IPCEF1: variants seen among roughly 807,000 people sequenced by gnomAD.
IPCEF1 encodes the protein interaction protein for cytohesin exchange factors 1.
Under a neutral mutation model 50.9 loss-of-function variants are expected in IPCEF1, and 31 were observed. The ratio of observed to expected loss-of-function variants is 0.61; its 90% confidence interval spans 0.46 to 0.82. IPCEF1 has a LOEUF of 0.82. IPCEF1 is among the 40% of genes least tolerant of loss of function. IPCEF1 has a pLI of 0.00. For synonymous variants in IPCEF1, 181 were observed against 192.0 expected (o/e 0.94, Z 0.47); for missense variants, 458 against 514.0 (o/e 0.89, Z 1.05).
intron 5 of IPCEF1, among the ~76,000 whole-genome samples, chr6:154,234,904 C>CG (rs1779993869): frequency 6.6e-6 from 1 of 152,202 alleles, no homozygotes; most frequent in Non-Finnish European, 1.5e-5. Context: ...TTGTCCTCTG[C>CG]CGTGTAAAAT....
intron 2 of IPCEF1, among the ~76,000 whole-genome samples, chr6:154,275,525 C>A (rs6918094): frequency 0.21 from 32,565 of 152,272 alleles, 4,093 homozygotes; most frequent in Admixed American, 0.42. Context: ...GAATAGCAAG[C>A]GATGGCCCTT....
In IPCEF1 at chr6:154,159,779, G is replaced by A. The variant is rs370836223; in HGVS notation, c.*49C>T. On this transcript the variant is annotated 3_prime_UTR_variant, in exon 12 of 12. Transcript: ENST00000367220. ...AAAATGTAAGCTTTTGCAACATCTT[G>A]AAGAGTTGCTTGTGATAAAATATAA... The A allele has an allele frequency of 7.8e-5, 110 of 1,418,534 alleles. 1 individual carries two copies. In the South Asian group the frequency reaches 1.1e-3, roughly 14 times the overall value. 87.9% of individuals were successfully genotyped at this position (1,418,534 alleles called of 1,614,324 possible).
intron 1 of IPCEF1, among the ~76,000 whole-genome samples, chr6:154,334,521 A>G (rs991383938): frequency 2.6e-5 from 4 of 152,240 alleles, no homozygotes; most frequent in African/African-American, 9.6e-5. Context: ...CTAAGGATAC[A>G]TGCCCCATGG....
intron 1 of IPCEF1, among the ~76,000 whole-genome samples, chr6:154,314,909 G>A (rs1383107689): frequency 7.0e-6 from 1 of 142,460 alleles, no homozygotes; most frequent in African/African-American, 2.6e-5. Context: ...TTTTGAGACA[G>A]TGTCTCTGTC....
At chr6:154,281,152 C>A (rs1176429646) in intron 2 of IPCEF1, among the ~76,000 whole-genome samples, 1 of 118,410 alleles carries the variant, frequency 8.4e-6, no homozygotes, top group Non-Finnish European at 1.7e-5. Flanking sequence ...CCAGCCTGGG[C>A]AAGATGGTGA....
intron 10 of IPCEF1, among the ~76,000 whole-genome samples, chr6:154,195,113 G>C (rs1347579493): frequency 6.7e-6 from 1 of 149,390 alleles, no homozygotes; most frequent in Non-Finnish European, 1.5e-5. Context: ...CTTCTTCCCT[G>C]CACTCTACAG....
chr6:154,347,902 A>G (rs1333423525), intron 1 of IPCEF1, among the ~76,000 whole-genome samples: 1 of 152,172 alleles, frequency 6.6e-6, no homozygotes, highest in Non-Finnish European at 1.5e-5. Flanking sequence ...CTTGCTCCCA[A>G]TGCACAGAAC....
At chr6:154,340,900 A>AAT (rs1207495866) in intron 1 of IPCEF1, among the ~76,000 whole-genome samples, 108 of 121,890 alleles carry the variant, frequency 8.9e-4, no homozygotes, top group African/African-American at 3.0e-3. Flanking sequence ...AAAAAAAAGA[A>AAT]ATATATATAT....
At chr6:154,247,943 A>T (rs1401994318) in intron 3 of IPCEF1, among the ~76,000 whole-genome samples, 1 of 152,232 alleles carries the variant, frequency 6.6e-6, no homozygotes. Context: ...GAGTCACTTG[A>T]CTATTCAGCT....
chr6:154,293,378 A>G (rs1782560131), intron 1 of IPCEF1, among the ~76,000 whole-genome samples: 1 of 152,206 alleles, frequency 6.6e-6, no homozygotes, highest in Non-Finnish European at 1.5e-5. Context: ...TTCAGTATAG[A>G]AAGATCTTCA....
chr6:154,190,660 T>G (rs1801793610), intron 10 of IPCEF1, among the ~76,000 whole-genome samples: 1 of 152,180 alleles, frequency 6.6e-6, no homozygotes, highest in South Asian at 2.1e-4. Flanking sequence ...CTCATTGCTA[T>G]TTACCCCAAA....
At chr6:154,185,115 A>C (rs1801221062) in intron 10 of IPCEF1, among the ~76,000 whole-genome samples, 1 of 152,230 alleles carries the variant, frequency 6.6e-6, no homozygotes, top group South Asian at 2.1e-4. Context: ...GGTGATAAAG[A>C]AACATATTGA....
intron 10 of IPCEF1, among the ~76,000 whole-genome samples, chr6:154,193,585 C>T: frequency 6.6e-6 from 1 of 152,094 alleles, no homozygotes; most frequent in East Asian, 1.9e-4. Flanking sequence ...ATAAAAACTT[C>T]AATAACATCA....
intron 2 of IPCEF1, among the ~76,000 whole-genome samples, chr6:154,274,278 T>A (rs979124159): frequency 1.3e-5 from 2 of 152,172 alleles, no homozygotes; most frequent in African/African-American, 4.8e-5. Context: ...GAAACTATGA[T>A]GCTTAAAATT....
intron 10 of IPCEF1, among the ~76,000 whole-genome samples, chr6:154,175,245 A>T (rs1438443820): frequency 2.0e-5 from 3 of 152,206 alleles, no homozygotes; most frequent in Non-Finnish European, 2.9e-5. Context: ...TGACACCCTA[A>T]CATCACAATT....
chr6:154,202,107 A>T (rs2128593840), intron 9 of IPCEF1, among the ~76,000 whole-genome samples: 1 of 152,332 alleles, frequency 6.6e-6, no homozygotes, highest in Non-Finnish European at 1.5e-5. Flanking sequence ...TATTTACCTA[A>T]TGTGTACCCA....
intron 1 of IPCEF1, among the ~76,000 whole-genome samples, chr6:154,339,327 A>T (rs1468263215): frequency 1.3e-5 from 2 of 152,216 alleles, no homozygotes; most frequent in Non-Finnish European, 2.9e-5. Context: ...AACCAAGTTC[A>T]TTTGGTTCAA....
At chr6:154,245,190 G>T (rs1175586479) in intron 5 of IPCEF1, among the ~76,000 whole-genome samples, 1 of 152,050 alleles carries the variant, frequency 6.6e-6, no homozygotes, top group Non-Finnish European at 1.5e-5. Context: ...AGAAAAGAGA[G>T]AAAAAGGATG....
At chr6:154,240,732 G>T (rs1780511732) in intron 5 of IPCEF1, among the ~76,000 whole-genome samples, 1 of 152,190 alleles carries the variant, frequency 6.6e-6, no homozygotes, top group African/African-American at 2.4e-5. Context: ...CACATGAAGT[G>T]TGCATGCAGC....
Sources: allele counts gnomAD v4.1 joint callset (sites outside exome capture counted in the v4.1 genomes callset), GRCh38; gene constraint gnomAD v4.1.1; transcripts MANE v1.5; gene names NCBI Gene and HGNC (gene_info 2026-07-23, HGNC 2026-07-21).